LEPR: variants seen among roughly 807,000 people sequenced by gnomAD.
LEPR encodes OB receptor.
LEPR carries 56 observed loss-of-function variants against 114.7 expected under a neutral mutation model. That is an observed-to-expected ratio of 0.49 (90% CI 0.39 to 0.61). LEPR has a LOEUF of 0.61. Ranked by LOEUF, LEPR falls within the 20% of genes least tolerant of loss-of-function variation. LEPR has a pLI of 0.00. For missense variants in LEPR, 1,202 were observed against 1,352.9 expected, an observed-to-expected ratio of 0.89 and a Z score of 1.75; for synonymous variants, 443 against 461.4, an observed-to-expected ratio of 0.96 and a Z score of 0.51.
chr1:65,573,277 G>A (rs570276321), intron 5 of LEPR, among the ~76,000 whole-genome samples: 4 of 152,300 alleles, frequency 2.6e-5, no homozygotes, highest in South Asian at 4.1e-4. Flanking sequence ...ATTCTTGACC[G>A]AAGCACATCC....
chr1:65,480,315 G>C (rs1647208279), intron 2 of LEPR, among the ~76,000 whole-genome samples: 1 of 152,108 alleles, frequency 6.6e-6, no homozygotes, highest in Non-Finnish European at 1.5e-5. Context: ...AGCTAGTCTG[G>C]GATCCAGAAA....
chr1:65,632,900 A>G (rs1023543408), intron 19 of LEPR, among the ~76,000 whole-genome samples: 3 of 151,180 alleles, frequency 2.0e-5, no homozygotes, highest in Non-Finnish European at 4.4e-5. Flanking sequence ...TTATTTCCCT[A>G]TAGTTTTTCC....
At chr1:65,528,312 TTAC>T (rs1650117990) in intron 2 of LEPR, among the ~76,000 whole-genome samples, 1 of 152,196 alleles carries the variant, frequency 6.6e-6, no homozygotes, top group Non-Finnish European at 1.5e-5. Context: ...TTTATGTGAT[TTAC>T]AAATTCCAGT....
At chr1:65,488,141 C>CTTCT (rs1647605844) in intron 2 of LEPR, among the ~76,000 whole-genome samples, 1 of 97,388 alleles carries the variant, frequency 1.0e-5, no homozygotes, top group Non-Finnish European at 1.8e-5. Flanking sequence ...CTCCCTCCCT[C>CTTCT]TCCTTCCTTC....
chr1:65,597,930 T>G (rs1276957161), intron 7 of LEPR, among the ~76,000 whole-genome samples: 1 of 108,182 alleles, frequency 9.2e-6, no homozygotes, highest in Non-Finnish European at 1.9e-5. Context: ...GTTATTAATA[T>G]CTGATGTTGT....
intron 2 of LEPR, among the ~76,000 whole-genome samples, chr1:65,502,283 C>G (rs1027835787): frequency 6.6e-6 from 1 of 151,806 alleles, no homozygotes; most frequent in Non-Finnish European, 1.5e-5. Flanking sequence ...ATGTGTGCAC[C>G]CAGAGGAAAG....
chr1:65,500,852 G>GTTATTC (rs1404488071), intron 2 of LEPR, among the ~76,000 whole-genome samples: 2 of 152,066 alleles, frequency 1.3e-5, no homozygotes, highest in African/African-American at 4.8e-5. Context: ...ACTTTGAAAG[G>GTTATTC]TTATTCTTTA....
chr1:65,447,620 C>T (rs1457020253), intron 2 of LEPR, among the ~76,000 whole-genome samples: 1 of 151,036 alleles, frequency 6.6e-6, no homozygotes, highest in Non-Finnish European at 1.5e-5. Context: ...GTAACTTTGG[C>T]CTCCTGGGCT....
At chr1:65,572,531 C>A in intron 5 of LEPR, 82 bp downstream of exon 5, 5 of 1,296,270 alleles carry the variant, frequency 3.9e-6, no homozygotes, top group African/African-American at 1.5e-5. Flanking sequence ...AGATTATAAA[C>A]CTCTTGCATC....
At chr1:65,565,735 TG>T in intron 3 of LEPR, 130 bp downstream of exon 3, 1 of 1,222,782 alleles carries the variant, frequency 8.2e-7, no homozygotes, top group South Asian at 1.3e-5. Context: ...TACATGCTTA[TG>T]ATTAAAAATG....
chr1:65,632,035 C>T (rs1658544059), intron 19 of LEPR, among the ~76,000 whole-genome samples: 1 of 152,152 alleles, frequency 6.6e-6, no homozygotes, highest in African/African-American at 2.4e-5. Flanking sequence ...GAGTTTACTC[C>T]ATTTAACAAC....
In LEPR at chr1:65,449,453, C is replaced by T. The variant is rs377752242; in HGVS notation, c.-21+24075C>T. ...CCTCCCTCTCGGACCCTGGGGCAGC[C>T]GCAGGAAGGGTAGGCTGGGAGGGGC... is the stretch of plus-strand genomic sequence containing the variant. On this transcript the variant is annotated intron_variant, in intron 2 of 19. Coordinates refer to ENST00000349533, the MANE Select transcript of LEPR (RefSeq NM_002303.6). Among the ~76,000 whole-genome samples, 5 of 151,986 alleles carry T rather than the reference C, an allele frequency of 3.3e-5. 1 individual carries two copies.
intron 2 of LEPR, among the ~76,000 whole-genome samples, chr1:65,486,774 T>C (rs1229572051): frequency 6.6e-6 from 1 of 152,158 alleles, no homozygotes; most frequent in African/African-American, 2.4e-5. Flanking sequence ...GTAACAAAGA[T>C]GAGAGACACG....
intron 2 of LEPR, among the ~76,000 whole-genome samples, chr1:65,446,037 G>T (rs560237725): frequency 6.6e-6 from 1 of 152,160 alleles, no homozygotes; most frequent in Non-Finnish European, 1.5e-5. Context: ...ATGAGATTGC[G>T]TAATGACCAG....
At chr1:65,440,052 C>G (rs1044336918) in intron 2 of LEPR, among the ~76,000 whole-genome samples, 2 of 143,656 alleles carry the variant, frequency 1.4e-5, no homozygotes, top group Non-Finnish European at 3.0e-5. Flanking sequence ...GTAGTGAATG[C>G]TATGAAGAAA....
chr1:65,626,591 T>C (rs1484245133), intron 19 of LEPR, among the ~76,000 whole-genome samples: 1 of 142,954 alleles, frequency 7.0e-6, no homozygotes, highest in Non-Finnish European at 1.5e-5. Flanking sequence ...CTTCTAAAAT[T>C]CATTAACTTT....
chr1:65,618,287 CT>C, intron 16 of LEPR, 141 bp downstream of exon 16: 1 of 629,136 alleles, frequency 1.6e-6, no homozygotes, highest in Non-Finnish European at 2.5e-6. Context: ...ATCCTATAAC[CT>C]TTATCAAAAC....
At chr1:65,575,582 A>G (rs562753691) in intron 5 of LEPR, among the ~76,000 whole-genome samples, 2 of 151,710 alleles carry the variant, frequency 1.3e-5, no homozygotes, top group South Asian at 2.1e-4. Context: ...GAAGTTAAAC[A>G]TAATGTAGAT....
At chr1:65,570,080 T>C (rs1224585573) in intron 3 of LEPR, among the ~76,000 whole-genome samples, 1 of 152,234 alleles carries the variant, frequency 6.6e-6, no homozygotes, top group Non-Finnish European at 1.5e-5. Context: ...CACATCCAGA[T>C]ATTTATTTAT....
Sources: gnomAD v4.1 joint callset for allele counts (sites outside exome capture counted in the v4.1 genomes callset) on GRCh38, gnomAD v4.1.1 for gene constraint, MANE v1.5 for transcripts, NCBI Gene and HGNC (gene_info 2026-07-23, HGNC 2026-07-21) for gene names.